Variants in ERC2 observed in about 807,000 individuals in gnomAD.
The protein encoded by ERC2 is ERC protein 2.
A neutral mutation model predicts 114.8 loss-of-function variants in ERC2; 42 were observed. The ratio of observed to expected loss-of-function variants is 0.37; its 90% CI spans 0.29 to 0.47. The LOEUF is 0.47. ERC2 is among the 20% of genes least tolerant of loss of function. The pLI, the probability that ERC2 is intolerant of heterozygous loss-of-function variation, is 0.99. For synonymous variants in ERC2, 454 were observed against 425.5 expected (o/e 1.07, Z -0.82); for missense variants, 939 against 1,150.7 (o/e 0.82, Z 2.66).
At chr3:55,690,931 T>C (rs188124116) in intron 16 of ERC2, among the ~76,000 whole-genome samples, 374 of 152,304 alleles carry the variant, frequency 2.5e-3, no homozygotes, top group Admixed American at 8.1e-3. Context: ...TCCCTCCCTC[T>C]CCTGTAGCTC....
chr3:55,518,744 A>C (rs186483861), intron 17 of ERC2, among the ~76,000 whole-genome samples: 2 of 152,366 alleles, frequency 1.3e-5, no homozygotes, highest in East Asian at 3.9e-4. Context: ...TGATGTATGC[A>C]GTGTGTAACT....
intron 6 of ERC2, among the ~76,000 whole-genome samples, chr3:56,129,024 C>T (rs1424648720): frequency 1.3e-5 from 2 of 152,114 alleles, no homozygotes; most frequent in Non-Finnish European, 2.9e-5. Context: ...TCACAGACCT[C>T]AAGGTAGAAA....
intron 17 of ERC2, among the ~76,000 whole-genome samples, chr3:55,681,035 T>C (rs2062031532): frequency 1.3e-5 from 2 of 151,908 alleles, no homozygotes; most frequent in South Asian, 4.2e-4. Flanking sequence ...GGCCATACGC[T>C]GATAAATCCA....
At chr3:56,224,055 A>G (rs1186511015) in intron 3 of ERC2, among the ~76,000 whole-genome samples, 1 of 152,230 alleles carries the variant, frequency 6.6e-6, no homozygotes, top group Non-Finnish European at 1.5e-5. Flanking sequence ...ATATATTCAT[A>G]TACTCACAGA....
chr3:55,673,814 T>G (rs1247111036), intron 17 of ERC2, among the ~76,000 whole-genome samples: 3 of 150,662 alleles, frequency 2.0e-5, no homozygotes, highest in African/African-American at 7.3e-5. Flanking sequence ...GTTTTTTTTT[T>G]TTTTTTTTTT....
At chr3:55,968,567 C>G (rs1253357206) in intron 12 of ERC2, among the ~76,000 whole-genome samples, 2 of 152,136 alleles carry the variant, frequency 1.3e-5, no homozygotes, top group African/African-American at 4.8e-5. Context: ...TCAAAAACAC[C>G]ATGACAACAC....
At chr3:56,183,698 C>G (rs571048462) in intron 3 of ERC2, among the ~76,000 whole-genome samples, 17 of 152,228 alleles carry the variant, frequency 1.1e-4, no homozygotes, top group African/African-American at 3.9e-4. Context: ...TCCCTGCCTT[C>G]ACGGAGCTTA....
intron 2 of ERC2, among the ~76,000 whole-genome samples, chr3:56,394,996 C>A (rs547595962): frequency 6.6e-6 from 1 of 151,088 alleles, no homozygotes; most frequent in East Asian, 1.9e-4. Context: ...GAATAAAGAA[C>A]AGATACATGC....
chr3:55,827,988 A>G (rs1042748301), intron 14 of ERC2, among the ~76,000 whole-genome samples: 2 of 152,222 alleles, frequency 1.3e-5, no homozygotes, highest in Non-Finnish European at 2.9e-5. Context: ...GGCCAAGCCG[A>G]TGGAAACCAG....
intron 14 of ERC2, among the ~76,000 whole-genome samples, chr3:55,817,258 T>C (rs559698391): frequency 6.6e-6 from 1 of 152,342 alleles, no homozygotes; most frequent in Admixed American, 6.5e-5. Context: ...TGAACCCAGC[T>C]CTGACTTGCT....
chr3:56,466,721 C>A (rs780415127), intron 1 of ERC2, among the ~76,000 whole-genome samples: 1 of 152,114 alleles, frequency 6.6e-6, no homozygotes, highest in Non-Finnish European at 1.5e-5. Context: ...CCATAAAGAA[C>A]GTTTGCCGGC....
chr3:55,806,610 G>A (rs1281305732), intron 14 of ERC2, among the ~76,000 whole-genome samples: 3 of 152,146 alleles, frequency 2.0e-5, no homozygotes, highest in Admixed American at 2.0e-4. Context: ...CACAACTAGG[G>A]AGGGGTGCTA....
chr3:55,714,665 GTGTATATA>G (rs1357188251), intron 15 of ERC2, among the ~76,000 whole-genome samples: 123 of 36,610 alleles, frequency 3.4e-3, no homozygotes, highest in Non-Finnish European at 5.0e-3. Flanking sequence ...GTGTGTGTGT[GTGTATATA>G]TATATATATA....
intron 12 of ERC2, among the ~76,000 whole-genome samples, chr3:55,973,554 C>T (rs763309189): frequency 1.1e-4 from 17 of 152,202 alleles, no homozygotes; most frequent in Non-Finnish European, 2.5e-4. Context: ...TTCCCACATG[C>T]CCCTTGCTCT....
chr3:55,532,524 C>A (rs889529554), intron 17 of ERC2, among the ~76,000 whole-genome samples: 2 of 152,184 alleles, frequency 1.3e-5, no homozygotes, highest in Non-Finnish European at 2.9e-5. Context: ...GAGCATGAAC[C>A]AGGTGTCAAG....
intron 13 of ERC2, among the ~76,000 whole-genome samples, chr3:55,908,949 C>T (rs2064633798): frequency 6.6e-6 from 1 of 152,166 alleles, no homozygotes; most frequent in African/African-American, 2.4e-5. Context: ...AGTAGTCCCT[C>T]GAATAATAAC....
At chr3:56,293,229 G>A (rs562084821) in intron 3 of ERC2, among the ~76,000 whole-genome samples, 30 of 152,250 alleles carry the variant, frequency 2.0e-4, no homozygotes, top group African/African-American at 6.5e-4. Flanking sequence ...GAAAACTTTT[G>A]GGGAACCGTG....
At chr3:55,904,536 C>T (rs1343033842) in intron 13 of ERC2, among the ~76,000 whole-genome samples, 1 of 152,122 alleles carries the variant, frequency 6.6e-6, no homozygotes, top group Non-Finnish European at 1.5e-5. Flanking sequence ...CTCATTCTAC[C>T]CCTTTTTGCT....
rs78651463 is a variant in ERC2 at position 55,858,829 on chromosome 3, T to C, written c.2564+29560A>G. On this transcript the variant is annotated intron_variant, in intron 14 of 17. Coordinates refer to ENST00000288221, the MANE Select transcript of ERC2 (RefSeq NM_015576.3). ...GCTTTAGAGCTGGGCAGCTGGATTC[T>C]GTTTTCCTGGCATGCTAGGCCTATG... is the stretch of plus-strand genomic sequence containing the variant. 4.0e-3 allele frequency among the ~76,000 whole-genome samples: 606 copies of C among 152,268 alleles called. 6 individuals carry two copies. Among genetic ancestry groups the C allele is most frequent in the African/African-American group, 0.014 (569 of 41,550 alleles).
Sources: allele counts gnomAD v4.1 joint callset (sites outside exome capture counted in the v4.1 genomes callset), GRCh38; gene constraint gnomAD v4.1.1; transcripts MANE v1.5; gene names NCBI Gene and HGNC (gene_info 2026-07-23, HGNC 2026-07-21).